Variants in COL23A1 observed in about 807,000 individuals in gnomAD.
COL23A1 encodes collagen type XXIII alpha 1 chain.
In COL23A1, 97 loss-of-function variants were observed where a neutral mutation model predicts 99.3. The ratio of observed to expected loss-of-function variants is 0.98; its 90% CI spans 0.83 to 1.16. The LOEUF (loss-of-function observed/expected upper bound fraction) is 1.16. COL23A1 is among the 50% of genes most tolerant of loss of function. The pLI, the probability that COL23A1 is intolerant of heterozygous loss-of-function variation, is 0.00. For missense variants in COL23A1, 762 were observed against 757.4 expected (o/e 1.01, Z -0.07); for synonymous variants, 320 against 308.2 (o/e 1.04, Z -0.40).
At chr5:178,541,431 T>C (rs1196347397) in intron 2 of COL23A1, among the ~76,000 whole-genome samples, 1 of 152,032 alleles carries the variant, frequency 6.6e-6, no homozygotes, top group Non-Finnish European at 1.5e-5. Context: ...CTACCAGAAA[T>C]ACAAAAATTA....
chr5:178,512,191 C>T (rs190177034), intron 2 of COL23A1, among the ~76,000 whole-genome samples: 257 of 152,276 alleles, frequency 1.7e-3, no homozygotes, highest in African/African-American at 6.0e-3. Context: ...ACTGGTTAAA[C>T]GCATTTTGGC....
At chr5:178,436,121 G>A (rs1007135746) in intron 2 of COL23A1, among the ~76,000 whole-genome samples, 12 of 152,182 alleles carry the variant, frequency 7.9e-5, no homozygotes, top group African/African-American at 2.9e-4. Context: ...CAGGCTGAGT[G>A]GGAGGGGAGA....
chr5:178,539,005 A>C (rs1363248221), intron 2 of COL23A1, among the ~76,000 whole-genome samples: 1 of 152,222 alleles, frequency 6.6e-6, no homozygotes, highest in Non-Finnish European at 1.5e-5. Context: ...TTCCATTTCC[A>C]TGAGATGTCC....
chr5:178,404,108 G>A (rs1406207829), intron 2 of COL23A1, among the ~76,000 whole-genome samples: 1 of 152,202 alleles, frequency 6.6e-6, no homozygotes, highest in African/African-American at 2.4e-5. Context: ...TTCATGTAGT[G>A]AACAGTCAGA....
intron 2 of COL23A1, among the ~76,000 whole-genome samples, chr5:178,530,643 G>C (rs1301659668): frequency 6.6e-6 from 1 of 152,084 alleles, no homozygotes; most frequent in Non-Finnish European, 1.5e-5. Context: ...TTGTGAGGAG[G>C]CCAAGCAGCC....
intron 2 of COL23A1, among the ~76,000 whole-genome samples, 160 bp downstream of exon 2, chr5:178,560,522 G>A (rs1762502589): frequency 6.6e-6 from 1 of 152,180 alleles, no homozygotes; most frequent in Admixed American, 6.5e-5. Flanking sequence ...ACCGACCAGA[G>A]AGCCTGCCAG....
intron 2 of COL23A1, among the ~76,000 whole-genome samples, chr5:178,361,134 C>G (rs763223559): frequency 1.3e-5 from 2 of 152,124 alleles, no homozygotes; most frequent in Non-Finnish European, 2.9e-5. Flanking sequence ...AACATTTTTT[C>G]TTTAAACTTT....
chr5:178,247,601 A>G (rs1368493849), intron 21 of COL23A1, 49 bp from the exon 22 acceptor site: 3 of 1,611,714 alleles, frequency 1.9e-6, no homozygotes, highest in Admixed American at 3.3e-5. Flanking sequence ...ACCCTCTTGC[A>G]GTGGCCACTC....
chr5:178,443,737 C>T (rs982577628), intron 2 of COL23A1, among the ~76,000 whole-genome samples: 3 of 151,966 alleles, frequency 2.0e-5, no homozygotes, highest in East Asian at 3.9e-4. Flanking sequence ...GGATTACAGG[C>T]GTCAGCCACC....
At chr5:178,323,140 G>A (rs1384976167) in intron 2 of COL23A1, among the ~76,000 whole-genome samples, 1 of 152,172 alleles carries the variant, frequency 6.6e-6, no homozygotes, top group Non-Finnish European at 1.5e-5. Context: ...CCTGAGCCTG[G>A]GGGTGAGGGC....
At chr5:178,400,993 A>C (rs187903021) in intron 2 of COL23A1, among the ~76,000 whole-genome samples, 2 of 151,960 alleles carry the variant, frequency 1.3e-5, no homozygotes, top group Admixed American at 6.5e-5. Context: ...TGAAACACTA[A>C]CTCTCCATTT....
chr5:178,562,910 G>A (rs1315695669), intron 1 of COL23A1, among the ~76,000 whole-genome samples: 2 of 152,058 alleles, frequency 1.3e-5, no homozygotes, highest in African/African-American at 4.8e-5. Context: ...ACTGATTGGT[G>A]CATTTTACAA....
intron 2 of COL23A1, among the ~76,000 whole-genome samples, chr5:178,545,384 T>A (rs1216971690): frequency 2.0e-5 from 3 of 152,178 alleles, no homozygotes; most frequent in Non-Finnish European, 4.4e-5. Flanking sequence ...AGCCCATTAG[T>A]GTCATGAAAC....
At chr5:178,512,613 C>T (rs1427946342) in intron 2 of COL23A1, among the ~76,000 whole-genome samples, 2 of 152,180 alleles carry the variant, frequency 1.3e-5, no homozygotes, top group Non-Finnish European at 2.9e-5. Context: ...CTTGAAGGTG[C>T]CCTGGGCGGC....
In COL23A1 at chr5:178,246,290, C is replaced by T. The variant is rs528350938; in HGVS notation, c.1377G>A (p.Pro459=). Residue 459 remains proline (P), a synonymous_variant, in exon 24 of 29, where the codon CCG becomes CCA. Coordinates refer to ENST00000390654, the MANE Select transcript of COL23A1 (RefSeq NM_173465.4). ...PSGLPGPVGP[P]GLIGLPGTKG... is the part of the protein sequence containing the mutation. ...TGGTTCCTGGCAGCCCAATAAGGCC[C>T]GGTGGGCCAACTGGCCCCTGGATAG... 5.1e-5 allele frequency: 80 copies of T among 1,555,532 alleles called. No individual in the cohort carries two copies. The South Asian group carries it at 6.3e-4, about 12-fold the overall frequency.
At chr5:178,364,547 G>C (rs902833556) in intron 2 of COL23A1, among the ~76,000 whole-genome samples, 1 of 151,516 alleles carries the variant, frequency 6.6e-6, no homozygotes, top group Non-Finnish European at 1.5e-5. Flanking sequence ...CATCCCTCAC[G>C]GGCCGTCTTC....
At chr5:178,485,035 C>T (rs1757543042) in intron 2 of COL23A1, among the ~76,000 whole-genome samples, 1 of 152,182 alleles carries the variant, frequency 6.6e-6, no homozygotes, top group Admixed American at 6.5e-5. Flanking sequence ...TCGCTTACGG[C>T]TCTGGCAATC....
intron 2 of COL23A1, among the ~76,000 whole-genome samples, chr5:178,470,325 C>G (rs1309261685): frequency 6.6e-6 from 1 of 152,198 alleles, no homozygotes; most frequent in African/African-American, 2.4e-5. Context: ...TTCCCTTAGC[C>G]AGGAGCCAGT....
intron 2 of COL23A1, among the ~76,000 whole-genome samples, chr5:178,380,706 G>A (rs961436787): frequency 2.6e-5 from 4 of 152,230 alleles, no homozygotes; most frequent in Non-Finnish European, 5.9e-5. Context: ...GGACGGCCGG[G>A]ACAGAGGCAG....
Sources: gnomAD v4.1 joint callset for allele counts (sites outside exome capture counted in the v4.1 genomes callset) on GRCh38, gnomAD v4.1.1 for gene constraint, MANE v1.5 for transcripts, NCBI Gene and HGNC (gene_info 2026-07-23, HGNC 2026-07-21) for gene names.